Variants in PREX1 observed in about 807,000 individuals in gnomAD.
The protein encoded by PREX1 is phosphatidylinositol-3,4,5-trisphosphate dependent Rac exchange factor 1.
Under a neutral mutation model 198.3 loss-of-function variants are expected in PREX1, and 41 were observed. The observed-to-expected ratio is 0.21, with a 90% CI of 0.16 to 0.27. The LOEUF (loss-of-function observed/expected upper bound fraction) is 0.27. Among genes scored for constraint, PREX1 ranks in the 10% least tolerant of loss-of-function variants. The pLI is 1.00. For missense variants in PREX1, 1,620 were observed against 2,200.7 expected, an observed-to-expected ratio of 0.74 and a Z score of 5.28; for synonymous variants, 843 against 887.2, an observed-to-expected ratio of 0.95 and a Z score of 0.89.
At chr20:48,664,604 A>G (rs1276693400) in intron 15 of PREX1, among the ~76,000 whole-genome samples, 1 of 152,230 alleles carries the variant, frequency 6.6e-6, no homozygotes, top group Non-Finnish European at 1.5e-5. Context: ...GGCGGGGGTT[A>G]AAGGTTTACC....
intron 1 of PREX1, among the ~76,000 whole-genome samples, chr20:48,779,927 T>C (rs1002744091): frequency 6.6e-6 from 1 of 152,186 alleles, no homozygotes; most frequent in Non-Finnish European, 1.5e-5. Context: ...ATCCAGACTG[T>C]AGTGGTAAGT....
chr20:48,638,311 C>G (rs949522584), intron 30 of PREX1, among the ~76,000 whole-genome samples: 1 of 152,154 alleles, frequency 6.6e-6, no homozygotes, highest in Non-Finnish European at 1.5e-5. Flanking sequence ...CACACATCCA[C>G]ACAGACACAC....
At chr20:48,673,144 G>A (rs1453240283) in intron 14 of PREX1, among the ~76,000 whole-genome samples, 1 of 152,202 alleles carries the variant, frequency 6.6e-6, no homozygotes, top group African/African-American at 2.4e-5. Context: ...AGTGGGGGCT[G>A]CCTGAGGTCT....
chr20:48,638,742 A>G (rs1198277615), intron 30 of PREX1, among the ~76,000 whole-genome samples: 1 of 152,208 alleles, frequency 6.6e-6, no homozygotes, highest in Non-Finnish European at 1.5e-5. Context: ...CACTGAGCGC[A>G]TGACCTATGC....
chr20:48,773,162 G>A (rs2090244571), intron 1 of PREX1, among the ~76,000 whole-genome samples: 1 of 151,450 alleles, frequency 6.6e-6, no homozygotes, highest in Non-Finnish European at 1.5e-5. Flanking sequence ...TGCTACTCGG[G>A]AGGCTGAGGC....
intron 10 of PREX1, among the ~76,000 whole-genome samples, chr20:48,682,144 C>T (rs4810856): frequency 0.39 from 58,728 of 151,912 alleles, 11,982 homozygotes; most frequent in South Asian, 0.53. Context: ...ACACCTACCA[C>T]CTTTCCCTTA....
chr20:48,846,590 G>A, the PREX1 span, among the ~76,000 whole-genome samples: 3 of 152,176 alleles, frequency 2.0e-5, no homozygotes, highest in South Asian at 4.1e-4. Flanking sequence ...GAGATTAAAA[G>A]CCAGGCAGCC....
upstream of PREX1, among the ~76,000 whole-genome samples, chr20:48,832,951 G>T (rs957900186): frequency 6.6e-6 from 1 of 152,134 alleles, no homozygotes; most frequent in Admixed American, 6.5e-5. Context: ...CAACATGCAC[G>T]ACTTCTTCTC....
chr20:48,862,790 A>ATATAT, the PREX1 span, among the ~76,000 whole-genome samples: 3,122 of 102,502 alleles, frequency 0.03, 122 homozygotes, highest in East Asian at 0.1. Context: ...TAAAAAAAAA[A>ATATAT]ATATATATAT....
Position 48,636,506 on chromosome 20 carries a change from C to T in PREX1, c.4124G>A (p.Gly1375Asp). 1 of 1,609,696 alleles carries T rather than the reference C, an allele frequency of 6.2e-7. No homozygotes were observed. The highest frequency in any genetic ancestry group is 8.5e-7 in the Non-Finnish European group (1 of 1,179,438). The change falls in exon 32 of 40, where the codon GGC becomes GAC. Residue 1375 changes from glycine (G) to aspartate (D), a missense_variant. Around this residue, in one of 7 missense-constraint regions of PREX1, gnomAD observed 476 missense variants for 603.4 expected, o/e 0.79. Transcript: ENST00000371941. ...CAGGGACTGGCAGTGCAGCAGGACGCCCGTGGCCGCCACCTGCTCCAGCCA... is the reference window on the plus strand; with the variant it reads ...CAGGGACTGGCAGTGCAGCAGGACGTCCGTGGCCGCCACCTGCTCCAGCCA... ...RKWLEQVAAT[G>D]VLLHCQSLLS...
chr20:48,699,422 C>G (rs1362332903), intron 7 of PREX1, among the ~76,000 whole-genome samples: 1 of 152,076 alleles, frequency 6.6e-6, no homozygotes, highest in Non-Finnish European at 1.5e-5. Flanking sequence ...AACTTAAGGT[C>G]AGGAATCTCT....
intron 3 of PREX1, among the ~76,000 whole-genome samples, chr20:48,744,409 G>A (rs1047725288): frequency 2.6e-5 from 4 of 152,170 alleles, no homozygotes; most frequent in South Asian, 2.1e-4. Flanking sequence ...CTCACATCTC[G>A]TGCCCGTGAG....
Position 48,649,369 on chromosome 20 carries a change from T to G in PREX1, c.3236A>C (p.Tyr1079Ser). 1 of 1,614,156 alleles carries G rather than the reference T, an allele frequency of 6.2e-7. No homozygotes were observed. The highest frequency in any genetic ancestry group is 8.5e-7 in the Non-Finnish European group (1 of 1,180,018). Residue 1079 changes from tyrosine (Y) to serine (S), a missense_variant, in exon 25 of 40, where the codon TAC becomes TCC. This residue lies in a region of PREX1 where 514 missense variants were observed against 611.6 expected (regional missense o/e 0.84). Transcript: ENST00000371941. The stretch of plus-strand genomic sequence containing the variant: ...ATCCAGCTTGGTGAAGAGCTGCAGG[T>G]AGGCATCCTGGATCTCACGGTCCTC... ...KQEDREIQDAYLQLFTKLDVA... is the reference protein window; with the variant it reads ...KQEDREIQDASLQLFTKLDVA...
At chr20:48,854,286 C>T in the PREX1 span, among the ~76,000 whole-genome samples, 1 of 152,182 alleles carries the variant, frequency 6.6e-6, no homozygotes, top group East Asian at 1.9e-4. Flanking sequence ...GGTCGGAACT[C>T]AAGTGGCTGC....
chr20:48,685,506 T>A (rs1365608559), intron 10 of PREX1, among the ~76,000 whole-genome samples: 1 of 152,172 alleles, frequency 6.6e-6, no homozygotes, highest in Non-Finnish European at 1.5e-5. Context: ...TTTTATTATC[T>A]CCCTTTAACT....
rs1256864071 is a variant in PREX1 at position 48,792,853 on chromosome 20, C to CACATAT, written c.219+34788_219+34789insATATGT. On this transcript the variant is annotated intron_variant, in intron 1 of 39. Transcript: ENST00000371941. The stretch of plus-strand genomic sequence containing the variant: ...ACACACACACACACACACACACACA[C>CACATAT]ATAGTATGATTCCATTTATATCCAT... 1.2e-3 allele frequency among the ~76,000 whole-genome samples: 171 copies of CACATAT among 145,352 alleles called. 3 individuals are homozygous for CACATAT. The highest frequency in any genetic ancestry group is 4.3e-3 in the African/African-American group (164 of 38,092).
At chr20:48,717,519 G>C (rs958496595) in intron 5 of PREX1, among the ~76,000 whole-genome samples, 34 of 148,316 alleles carry the variant, frequency 2.3e-4, no homozygotes, top group Admixed American at 1.9e-3. Flanking sequence ...AAAAGGAAAA[G>C]AAAACAAGAA....
chr20:48,800,729 C>G (rs1389614329), intron 1 of PREX1, among the ~76,000 whole-genome samples: 2 of 152,276 alleles, frequency 1.3e-5, no homozygotes, highest in East Asian at 3.9e-4. Flanking sequence ...AGGCCCCAAG[C>G]ACCATGGTAC....
rs1484694736 is a variant in PREX1, at chr20:48,636,567, C to T, written c.4063G>A (p.Glu1355Lys). 1.9e-6 allele frequency: 3 copies of T among 1,611,824 alleles called. No individual in the cohort carries two copies. The highest frequency in any genetic ancestry group is 2.5e-6 in the Non-Finnish European group (3 of 1,179,704). The change falls in exon 32 of 40, where the codon GAG (glutamate) becomes AAG (lysine). Residue 1355 changes from glutamate (E) to lysine (K), a missense_variant. Transcript: ENST00000371941. ...ALGYRYNNNG[E>K]YEESSRDASR... ...GCGTCGCGGCTGCTCTCCTCGTACTCGCCATTGTTGTTGTAGCGGTAGCCC... is the reference window on the plus strand; with the variant it reads ...GCGTCGCGGCTGCTCTCCTCGTACTTGCCATTGTTGTTGTAGCGGTAGCCC...
Sources: gnomAD v4.1 joint callset for allele counts (sites outside exome capture counted in the v4.1 genomes callset) on GRCh38, gnomAD v4.1.1 for gene constraint, gnomAD v4.1.1 regional missense constraint, MANE v1.5 for transcripts, NCBI Gene and HGNC (gene_info 2026-07-23, HGNC 2026-07-21) for gene names.